CRISPLD2: variants seen among roughly 807,000 people sequenced by gnomAD.
The protein encoded by CRISPLD2 is cysteine-rich secretory protein LCCL domain-containing 2.
Under a neutral mutation model 71.1 loss-of-function variants are expected in CRISPLD2, and 47 were observed. The observed-to-expected ratio is 0.66, with a 90% CI of 0.52 to 0.84. The LOEUF (loss-of-function observed/expected upper bound fraction) is 0.84, where lower values mean the gene tolerates loss of function less well. Among genes scored for constraint, CRISPLD2 ranks in the 40% least tolerant of loss-of-function variants. The probability of loss-of-function intolerance (pLI) is 0.00; values close to 1 mark genes in which losing one functional copy is unlikely to be tolerated. For missense variants in CRISPLD2, 830 were observed against 651.1 expected (o/e 1.27, Z -2.99); for synonymous variants, 317 against 250.1 (o/e 1.27, Z -2.52).
At position 84,903,594 on chromosome 16, in the gene CRISPLD2, A is replaced by T. The variant is rs569282704; in HGVS notation, c.1440-2994A>T. Reference sequence around the variant, plus strand: ...GCAACAGGGCGAGACTCTGTCTTAAAATTTAAAAAAAAAAAAAAAAGCCCA... The same window carrying T: ...GCAACAGGGCGAGACTCTGTCTTAATATTTAAAAAAAAAAAAAAAAGCCCA... On this transcript the variant is annotated intron_variant, in intron 14 of 14. Coordinates refer to ENST00000262424, the MANE Select transcript of CRISPLD2 (RefSeq NM_031476.4). Among the ~76,000 whole-genome samples the T allele has an allele frequency of 1.1e-4, 16 of 139,838 alleles. No individual in the cohort carries two copies. In the East Asian group the frequency reaches 3.8e-3, roughly 33 times the overall value. The allele number at this position is 139,838 out of a possible 152,430, so 91.7% of individuals were successfully genotyped here.
intron 14 of CRISPLD2, among the ~76,000 whole-genome samples, chr16:84,906,150 T>C (rs1258690181): frequency 6.6e-6 from 1 of 152,122 alleles, no homozygotes; most frequent in African/African-American, 2.4e-5. Context: ...GAACGAGCGA[T>C]AACAGCTCCC....
At chr16:84,857,728 G>T (rs562967433) in intron 6 of CRISPLD2, among the ~76,000 whole-genome samples, 1 of 152,110 alleles carries the variant, frequency 6.6e-6, no homozygotes, top group Non-Finnish European at 1.5e-5. Context: ...TTTTTCATCT[G>T]TCAACTGATC....
At chr16:84,847,026 G>A (rs915022256) in intron 3 of CRISPLD2, among the ~76,000 whole-genome samples, 4 of 152,204 alleles carry the variant, frequency 2.6e-5, no homozygotes, top group Admixed American at 2.6e-4. Flanking sequence ...AAGACTTAAC[G>A]ACCAACCTGT....
At chr16:84,885,586 A>C (rs1192193007) in intron 13 of CRISPLD2, among the ~76,000 whole-genome samples, 2 of 152,100 alleles carry the variant, frequency 1.3e-5, no homozygotes, top group African/African-American at 4.8e-5. Context: ...GGGCTAAGGA[A>C]CCCCGCCCTC....
intron 14 of CRISPLD2, among the ~76,000 whole-genome samples, chr16:84,904,878 C>A (rs1447873508): frequency 1.3e-5 from 2 of 152,152 alleles, no homozygotes; most frequent in Non-Finnish European, 2.9e-5. Context: ...AGTATAAATC[C>A]TTCATGACCT....
At chr16:84,864,416 A>T (rs1917480144) in intron 6 of CRISPLD2, among the ~76,000 whole-genome samples, 1 of 152,186 alleles carries the variant, frequency 6.6e-6, no homozygotes, top group African/African-American at 2.4e-5. Context: ...TGAGGTCTAA[A>T]CATCCTAAAG....
intron 4 of CRISPLD2, 93 bp downstream of exon 4, chr16:84,849,610 C>G (rs915956405): frequency 2.2e-6 from 3 of 1,375,002 alleles, no homozygotes; most frequent in Non-Finnish European, 3.1e-6. Flanking sequence ...TGTAAAGCCT[C>G]TGCGCTGTTG....
intron 6 of CRISPLD2, among the ~76,000 whole-genome samples, chr16:84,862,119 G>T (rs1181258608): frequency 2.6e-5 from 4 of 152,078 alleles, no homozygotes; most frequent in African/African-American, 9.7e-5. Context: ...TCTTGCTGGT[G>T]CTCCCCTGAC....
At chr16:84,889,086 A>T in intron 13 of CRISPLD2, 144 bp from the exon 14 acceptor site, 1 of 893,384 alleles carries the variant, frequency 1.1e-6, no homozygotes, top group Non-Finnish European at 1.7e-6. Context: ...CAAGGCATCA[A>T]GGTAGTGATG....
In CRISPLD2 at chr16:84,867,912, C is replaced by G. The variant is rs1460164850; in HGVS notation, c.853+872C>G. Among the ~76,000 whole-genome samples the G allele has an allele frequency of 3.9e-5, 6 of 152,228 alleles. 1 individual carries two copies. The highest frequency in any genetic ancestry group is 3.9e-4 in the Admixed American group (6 of 15,282). ...AGGGTGGAGTTCAGCTCCCCTTCAG[C>G]TCCCCCCAGCCACTGCTGCGGGAAC... is the stretch of plus-strand genomic sequence containing the variant. On this transcript the variant is annotated intron_variant, in intron 7 of 14. Coordinates refer to ENST00000262424, the MANE Select transcript of CRISPLD2 (RefSeq NM_031476.4).
chr16:84,833,885 A>C (rs1916550954), intron 1 of CRISPLD2, among the ~76,000 whole-genome samples: 1 of 152,166 alleles, frequency 6.6e-6, no homozygotes, highest in Admixed American at 6.5e-5. Flanking sequence ...CCCAGGAGGC[A>C]GAAGAGGGTG....
At position 84,854,725 on chromosome 16, in the gene CRISPLD2, T is replaced by G; in HGVS notation, c.609-4T>G. On this transcript the variant is annotated splice_polypyrimidine_tract_variant and splice_region_variant and intron_variant, in intron 5 of 14. Transcript: ENST00000262424. ...CTGACGGTTGTTTTTGGGTCTGTCCTCAGGGGGAACTGGATTGGAGAAGCC... is the reference window on the plus strand; with the variant it reads ...CTGACGGTTGTTTTTGGGTCTGTCCGCAGGGGGAACTGGATTGGAGAAGCC... 6.2e-7 allele frequency: 1 copy of G among 1,613,346 alleles called. No homozygotes were observed. The highest frequency in any genetic ancestry group is 8.5e-7 in the Non-Finnish European group (1 of 1,179,316).
chr16:84,900,975 A>C (rs1246159228), intron 14 of CRISPLD2, among the ~76,000 whole-genome samples: 1 of 150,702 alleles, frequency 6.6e-6, no homozygotes, highest in African/African-American at 2.4e-5. Context: ...ACTTGAGCCC[A>C]GGAGGTTGAG....
At chr16:84,902,983 G>T (rs2071768983) in intron 14 of CRISPLD2, among the ~76,000 whole-genome samples, 1 of 151,788 alleles carries the variant, frequency 6.6e-6, no homozygotes, top group South Asian at 2.1e-4. Flanking sequence ...GAGCAGGCTG[G>T]TCTCGAACTC....
intron 1 of CRISPLD2, among the ~76,000 whole-genome samples, chr16:84,837,434 T>G (rs1327509552): frequency 2.2e-5 from 1 of 45,516 alleles, no homozygotes; most frequent in African/African-American, 5.4e-5. Flanking sequence ...TTTTTTTTTC[T>G]GAGACGGAGT....
At chr16:84,838,919 C>A in intron 2 of CRISPLD2, 184 bp downstream of exon 2, 2 of 810,748 alleles carry the variant, frequency 2.5e-6, no homozygotes, top group Non-Finnish European at 2.0e-6. Context: ...GACAGGGTCT[C>A]ACTCTGCCAC....
intron 2 of CRISPLD2, among the ~76,000 whole-genome samples, chr16:84,841,681 C>T (rs111817920): frequency 4.6e-5 from 7 of 152,026 alleles, no homozygotes; most frequent in East Asian, 1.9e-4. Context: ...CTGCAACCCC[C>T]GACCCCTGGG....
chr16:84,863,992 G>GAA (rs890297473), intron 6 of CRISPLD2, among the ~76,000 whole-genome samples: 3 of 112,474 alleles, frequency 2.7e-5, no homozygotes, highest in East Asian at 2.5e-4. Flanking sequence ...AAGAGAGAGA[G>GAA]AAAAAAAAAG....
Position 84,872,463 on chromosome 16 carries a change from C to T in CRISPLD2, c.936C>T (p.Cys312=). 1.2e-6 allele frequency: 2 copies of T among 1,613,886 alleles called. No individual in the cohort carries two copies. Among genetic ancestry groups the T allele is most frequent in the Non-Finnish European group, 1.7e-6 (2 of 1,179,902 alleles). The stretch of plus-strand genomic sequence containing the variant: ...TCAGGTACCAGTGCCCAGCAGGCTG[C>T]CTGAACCACAAGGCGAAGATCTTTG... The part of the protein sequence containing the change: ...TCNRYQCPAG[C]LNHKAKIFGT... Residue 312 remains cysteine, a synonymous_variant, in exon 9 of 15, where the codon TGC becomes TGT. Coordinates refer to ENST00000262424, the MANE Select transcript of CRISPLD2 (RefSeq NM_031476.4).
Sources: allele counts gnomAD v4.1 joint callset (sites outside exome capture counted in the v4.1 genomes callset), GRCh38; gene constraint gnomAD v4.1.1; transcripts MANE v1.5; gene names NCBI Gene and HGNC (gene_info 2026-07-23, HGNC 2026-07-21).